The following NINJ2 variants were observed in gnomAD, a reference collection of about 807,000 sequenced individuals.
The protein encoded by NINJ2 is ninjurin 2.
NINJ2 carries 12 observed loss-of-function variants against 11.7 expected under a neutral mutation model. That is an observed-to-expected ratio of 1.02 (90% CI 0.66 to 1.66). The LOEUF (loss-of-function observed/expected upper bound fraction) is 1.66. NINJ2 is among the 40% of genes most tolerant of loss of function. NINJ2 has a pLI of 0.00. For missense variants in NINJ2, 187 were observed against 181.8 expected, an observed-to-expected ratio of 1.03 and a Z score of -0.16; for synonymous variants, 93 against 76.8, an observed-to-expected ratio of 1.21 and a Z score of -1.10.
intron 1 of NINJ2, among the ~76,000 whole-genome samples, chr12:607,268 T>C (rs2120927158): frequency 6.6e-6 from 1 of 152,254 alleles, no homozygotes; most frequent in East Asian, 1.9e-4. Flanking sequence ...ACTGTCCTGA[T>C]ATATCCACCT....
chr12:595,561 G>A (rs1270710619), intron 1 of NINJ2, among the ~76,000 whole-genome samples: 1 of 152,152 alleles, frequency 6.6e-6, no homozygotes, highest in Non-Finnish European at 1.5e-5. Flanking sequence ...GATCACCTGA[G>A]GTTGGAAGTT....
intron 1 of NINJ2, among the ~76,000 whole-genome samples, chr12:606,165 C>T (rs990794362): frequency 6.6e-6 from 1 of 152,020 alleles, no homozygotes; most frequent in Admixed American, 6.5e-5. Context: ...AGCCACCTTG[C>T]CCAGCCAATA....
rs1815613660 is a variant in NINJ2, at chr12:640,093, T to TC, written c.33+23234dup. On this transcript the variant is annotated intron_variant, in intron 1 of 3. Transcript: ENST00000305108. This position sits in a 1 kb window ranked among gnomAD's most constrained non-coding sequence, Gnocchi z 4.0. ...AGACCTACTGTCACAGCAATATGTA[T>TC]CCCCAGTTCACACACGGAATGTTTG... 6.6e-6 allele frequency among the ~76,000 whole-genome samples: 1 copy of TC among 152,150 alleles called. No individual in the cohort carries two copies. Among genetic ancestry groups the TC allele is most frequent in the African/African-American group, 2.4e-5 (1 of 41,422 alleles).
intron 1 of NINJ2, chr12:644,172 A>G (rs1323621643): frequency 1.3e-5 from 2 of 154,564 alleles, no homozygotes; most frequent in Admixed American, 1.3e-4. Flanking sequence ...ACTGGCCATC[A>G]TTTATCGAGT....
chr12:654,555 C>T (rs1293870326), intron 1 of NINJ2, among the ~76,000 whole-genome samples: 1 of 150,860 alleles, frequency 6.6e-6, no homozygotes, highest in Non-Finnish European at 1.5e-5. Context: ...ATACACCACA[C>T]CAACTGGGGT....
chr12:577,453 G>GTATATATATATATA (rs1947485343), intron 1 of NINJ2, among the ~76,000 whole-genome samples: 2 of 57,922 alleles, frequency 3.5e-5, no homozygotes, highest in Non-Finnish European at 4.8e-5. Flanking sequence ...AAATATTTTG[G>GTATATATATATATA]CACGATCTTG....
intron 1 of NINJ2, among the ~76,000 whole-genome samples, chr12:632,896 C>T (rs1342186531): frequency 1.3e-5 from 2 of 152,140 alleles, no homozygotes; most frequent in Non-Finnish European, 2.9e-5. Flanking sequence ...TGAAGCAAGC[C>T]GGGGAGGGTG....
At chr12:595,940 T>C (rs537428190) in intron 1 of NINJ2, among the ~76,000 whole-genome samples, 1 of 152,292 alleles carries the variant, frequency 6.6e-6, no homozygotes, top group Admixed American at 6.5e-5. Context: ...GTCCACATGA[T>C]ACGTCATCAG....
chr12:654,250 C>T (rs1937839109), intron 1 of NINJ2, among the ~76,000 whole-genome samples: 1 of 152,114 alleles, frequency 6.6e-6, no homozygotes, highest in South Asian at 2.1e-4. Context: ...TGGGGTCAGG[C>T]ACGGTGGCTC....
At position 585,797 on chromosome 12, in the gene NINJ2, T is replaced by C. The variant is rs1947629171; in HGVS notation, c.34-19619A>G. 1 of 152,226 alleles carries C rather than the reference T, an allele frequency of 6.6e-6. No homozygotes were observed. Among genetic ancestry groups the C allele is most frequent in the African/African-American group, 2.4e-5 (1 of 41,430 alleles). 9.4% of individuals were successfully genotyped at this position (152,226 alleles called of 1,614,324 possible). A position where few individuals can be genotyped will look rare whatever the true frequency, so the allele number is the denominator to read the frequency against. ...AGAAAGGAATAGCTCAGACGGAGTT[T>C]GTGATTAATTACGGGAATGGGTGCC... is the stretch of plus-strand genomic sequence containing the variant. On this transcript the variant is annotated intron_variant, in intron 1 of 3. Coordinates refer to ENST00000305108, the MANE Select transcript of NINJ2 (RefSeq NM_016533.6). The surrounding 1 kb of genome is among the most constrained non-coding windows in gnomAD (Gnocchi z 4.1).
intron 1 of NINJ2, among the ~76,000 whole-genome samples, chr12:607,686 C>T (rs1196507774): frequency 6.6e-6 from 1 of 152,184 alleles, no homozygotes; most frequent in African/African-American, 2.4e-5. Context: ...CCACCTTTCT[C>T]AGTAGAGCAA....
chr12:608,964 T>C (rs1378357982), intron 1 of NINJ2, among the ~76,000 whole-genome samples: 1 of 152,082 alleles, frequency 6.6e-6, no homozygotes, highest in Non-Finnish European at 1.5e-5. Flanking sequence ...GTTGTTTAAT[T>C]CAATCTAGGC....
intron 1 of NINJ2, among the ~76,000 whole-genome samples, chr12:567,820 A>G (rs1947322611): frequency 6.6e-6 from 1 of 152,240 alleles, no homozygotes; most frequent in African/African-American, 2.4e-5. Flanking sequence ...AGCCTGGCCA[A>G]CATGGCAAAA....
intron 1 of NINJ2, among the ~76,000 whole-genome samples, chr12:641,310 C>G (rs1948413928): frequency 6.9e-6 from 1 of 145,448 alleles, no homozygotes; most frequent in African/African-American, 2.5e-5. Flanking sequence ...CCTCCCCCAA[C>G]CCAACCCCCT....
At chr12:569,156 G>A (rs2120786856) in intron 1 of NINJ2, among the ~76,000 whole-genome samples, 2 of 152,320 alleles carry the variant, frequency 1.3e-5, no homozygotes, top group South Asian at 4.1e-4. Context: ...GCATGGACTT[G>A]GGAGGCCACA....
At chr12:618,859 G>A (rs919006876) in intron 1 of NINJ2, among the ~76,000 whole-genome samples, 2 of 152,146 alleles carry the variant, frequency 1.3e-5, no homozygotes, top group East Asian at 3.9e-4. Flanking sequence ...TCTGGCTTTG[G>A]CTCTAGACTC....
chr12:653,731 T>C (rs1937830674), intron 1 of NINJ2, among the ~76,000 whole-genome samples: 2 of 150,716 alleles, frequency 1.3e-5, no homozygotes, highest in Admixed American at 1.3e-4. Context: ...GAGCAAAGAA[T>C]GAGGGTAACA....
At chr12:567,646 A>G (rs530582256) in intron 1 of NINJ2, among the ~76,000 whole-genome samples, 2 of 152,258 alleles carry the variant, frequency 1.3e-5, no homozygotes, top group South Asian at 2.1e-4. Flanking sequence ...AGGACAGTTG[A>G]TTTACACATA....
intron 1 of NINJ2, among the ~76,000 whole-genome samples, chr12:639,804 C>T (rs780971258): frequency 1.3e-5 from 2 of 152,234 alleles, no homozygotes; most frequent in Non-Finnish European, 2.9e-5. Context: ...ATTAAGCTGG[C>T]TAATGATGGT....
Sources: gnomAD v4.1 joint callset for allele counts (sites outside exome capture counted in the v4.1 genomes callset) on GRCh38, gnomAD v4.1.1 for gene constraint, Gnocchi (gnomAD v3.1) non-coding constraint, MANE v1.5 for transcripts, NCBI Gene and HGNC (gene_info 2026-07-23, HGNC 2026-07-21) for gene names.